The following BABAM2 variants were observed in gnomAD, a reference collection of about 807,000 sequenced individuals.
BABAM2 encodes BRISC and BRCA1 A complex member 2, also known as BRISC and BRCA1-A complex member 2.
In BABAM2, 31 loss-of-function variants were observed where a neutral mutation model predicts 54.7. That is an observed-to-expected ratio of 0.57 (90% CI 0.43 to 0.77). BABAM2 has a LOEUF of 0.77. Ranked by LOEUF, BABAM2 falls within the 30% of genes least tolerant of loss-of-function variation. The pLI is 0.00. For synonymous variants in BABAM2, 167 were observed against 162.9 expected, an observed-to-expected ratio of 1.03 and a Z score of -0.19; for missense variants, 364 against 455.8, an observed-to-expected ratio of 0.80 and a Z score of 1.83.
intron 6 of BABAM2, among the ~76,000 whole-genome samples, chr2:28,080,407 G>A (rs1194847180): frequency 6.6e-6 from 1 of 152,174 alleles, no homozygotes; most frequent in East Asian, 1.9e-4. Flanking sequence ...AAGAGAAGGA[G>A]AGAGAGGTGA....
chr2:27,924,880 A>G (rs1282715809), intron 2 of BABAM2, among the ~76,000 whole-genome samples: 1 of 152,222 alleles, frequency 6.6e-6, no homozygotes, highest in Non-Finnish European at 1.5e-5. Context: ...ATCCTAGATA[A>G]TATAAGGAAG....
chr2:28,188,689 G>A (rs1026375542), intron 7 of BABAM2, among the ~76,000 whole-genome samples: 1 of 152,116 alleles, frequency 6.6e-6, no homozygotes, highest in Non-Finnish European at 1.5e-5. Context: ...CTAGATACAC[G>A]GGGGATGGTT....
intron 11 of BABAM2, among the ~76,000 whole-genome samples, chr2:28,305,821 T>TA (rs1164930918): frequency 6.6e-6 from 1 of 152,164 alleles, no homozygotes; most frequent in African/African-American, 2.4e-5. Context: ...TCAAGTTTCT[T>TA]AGAGTAGAAG....
chr2:28,272,677 C>T (rs1194288478), intron 10 of BABAM2, among the ~76,000 whole-genome samples: 1 of 152,188 alleles, frequency 6.6e-6, no homozygotes, highest in African/African-American at 2.4e-5. Context: ...TGAGCCTGTC[C>T]CATCCCAGAG....
intron 6 of BABAM2, among the ~76,000 whole-genome samples, chr2:28,120,365 G>A (rs1332806382): frequency 2.6e-5 from 4 of 152,172 alleles, no homozygotes; most frequent in Non-Finnish European, 1.5e-5. Context: ...TCCTGCATGT[G>A]AGTTTCCAAG....
Position 28,025,371 on chromosome 2 carries a change from C to A in BABAM2, c.446C>A (p.Pro149Gln). Residue 149 changes from proline (P) to glutamine (Q), a missense_variant, in exon 5 of 12, where the codon CCA becomes CAA. Physicochemically the swap from Pro to Gln is moderately conservative, Grantham distance 76. Coordinates refer to ENST00000379624, the MANE Select transcript of BABAM2 (RefSeq NM_199191.3). The part of the protein sequence containing the change: ...MFEYQTLLEE[P>Q]QYGENMEIYA... ...GAATACCAGACATTACTGGAGGAGC[C>A]ACAGTATGGAGAGAACATGGAAATT... 6.2e-7 allele frequency: 1 copy of A among 1,605,190 alleles called. No individual in the cohort carries two copies. The highest frequency in any genetic ancestry group is 8.5e-7 in the Non-Finnish European group (1 of 1,177,354).
intron 7 of BABAM2, among the ~76,000 whole-genome samples, chr2:28,231,349 G>A (rs1325072983): frequency 6.6e-6 from 1 of 152,150 alleles, no homozygotes; most frequent in Non-Finnish European, 1.5e-5. Context: ...ACTTTGGAAG[G>A]ACTTATCGTT....
At chr2:27,931,429 T>C (rs1668086395) in intron 3 of BABAM2, among the ~76,000 whole-genome samples, 1 of 152,166 alleles carries the variant, frequency 6.6e-6, no homozygotes, top group Non-Finnish European at 1.5e-5. Context: ...TAATATACTT[T>C]TGCCTCCGTT....
intron 3 of BABAM2, among the ~76,000 whole-genome samples, chr2:27,937,694 A>G (rs960053465): frequency 1.3e-5 from 2 of 152,130 alleles, no homozygotes; most frequent in African/African-American, 2.4e-5. Flanking sequence ...AATTCTTTAT[A>G]TATTCCACAT....
intron 10 of BABAM2, among the ~76,000 whole-genome samples, chr2:28,273,287 T>A (rs1056238154): frequency 6.6e-6 from 1 of 152,184 alleles, no homozygotes; most frequent in Non-Finnish European, 1.5e-5. Context: ...CCTGACTACG[T>A]CAGAACCCCT....
At chr2:28,010,946 G>A (rs1194220537) in intron 4 of BABAM2, among the ~76,000 whole-genome samples, 7 of 152,170 alleles carry the variant, frequency 4.6e-5, no homozygotes, top group Non-Finnish European at 7.4e-5. Context: ...AGTCCCAGCT[G>A]ATGTCTTTGT....
At chr2:28,163,630 C>A (rs1186395870) in intron 7 of BABAM2, among the ~76,000 whole-genome samples, 1 of 152,072 alleles carries the variant, frequency 6.6e-6, no homozygotes, top group Non-Finnish European at 1.5e-5. Flanking sequence ...TGGAGTAAAT[C>A]GGATGATAGA....
At chr2:28,172,013 C>G (rs1674373745) in intron 7 of BABAM2, among the ~76,000 whole-genome samples, 1 of 151,882 alleles carries the variant, frequency 6.6e-6, no homozygotes, top group Non-Finnish European at 1.5e-5. Context: ...GGAATGGAAG[C>G]CAAAGGAACT....
chr2:27,980,330 G>T (rs769269327), intron 3 of BABAM2, among the ~76,000 whole-genome samples: 1 of 152,174 alleles, frequency 6.6e-6, no homozygotes, highest in Non-Finnish European at 1.5e-5. Flanking sequence ...AAGGAAATGT[G>T]ATGTTATTGC....
At position 28,322,983 on chromosome 2, in the gene BABAM2, G is replaced by A. The variant is rs980862941; in HGVS notation, c.1089-15467G>A. Among the ~76,000 whole-genome samples the A allele has an allele frequency of 1.3e-5, 2 of 152,206 alleles. No individual in the cohort carries two copies. The highest frequency in any genetic ancestry group is 2.9e-5 in the Non-Finnish European group (2 of 68,042). ...AAAGCCAGCCCAAGGCAGGAATTTT[G>A]CTCCTGCTCTTCCAAAGCAATAGCA... On this transcript the variant is annotated intron_variant, in intron 11 of 11. Coordinates refer to ENST00000379624, the MANE Select transcript of BABAM2 (RefSeq NM_199191.3). This position sits in a 1 kb window ranked among gnomAD's most constrained non-coding sequence, Gnocchi z 4.1.
intron 2 of BABAM2, among the ~76,000 whole-genome samples, chr2:27,904,446 G>T (rs1666052395): frequency 6.6e-6 from 1 of 152,126 alleles, no homozygotes; most frequent in South Asian, 2.1e-4. Context: ...AATCAATCTG[G>T]CAGTCCTCCA....
intron 10 of BABAM2, among the ~76,000 whole-genome samples, chr2:28,279,743 G>A (rs1686196586): frequency 7.5e-6 from 1 of 133,482 alleles, no homozygotes; most frequent in South Asian, 2.5e-4. Flanking sequence ...TCAGCTCACC[G>A]CTACCTCTGC....
Position 28,004,790 on chromosome 2 carries a change from G to A in BABAM2, c.300+16703G>A, listed in dbSNP as rs1324289982. Among the ~76,000 whole-genome samples the A allele has an allele frequency of 4.6e-5, 7 of 151,906 alleles. No homozygotes were observed. The South Asian group carries it at 6.2e-4, about 14-fold the overall frequency. ...CTGCTGCCTCGACTTCCTGGGCTTA[G>A]GTGATCCCACCTCAGCCTCCTGAGT... On this transcript the variant is annotated intron_variant, in intron 4 of 11. Coordinates refer to ENST00000379624, the MANE Select transcript of BABAM2 (RefSeq NM_199191.3).
At chr2:27,942,391 C>T (rs574957286) in intron 3 of BABAM2, among the ~76,000 whole-genome samples, 8 of 152,020 alleles carry the variant, frequency 5.3e-5, no homozygotes, top group South Asian at 2.1e-4. Flanking sequence ...GACAGGGTCT[C>T]GCCATGTCAC....
Sources: gnomAD v4.1 joint callset for allele counts (sites outside exome capture counted in the v4.1 genomes callset) on GRCh38, gnomAD v4.1.1 for gene constraint, Gnocchi (gnomAD v3.1) non-coding constraint, MANE v1.5 for transcripts, NCBI Gene and HGNC (gene_info 2026-07-23, HGNC 2026-07-21) for gene names.